LRBA: variants seen among roughly 807,000 people sequenced by gnomAD.
LRBA encodes the protein lipopolysaccharide-responsive and beige-like anchor protein.
A neutral mutation model predicts 330.0 loss-of-function variants in LRBA; 176 were observed. The observed-to-expected ratio is 0.53, with a 90% CI of 0.47 to 0.60. LRBA has a LOEUF of 0.60. Among genes scored for constraint, LRBA ranks in the 20% least tolerant of loss-of-function variants. The probability of loss-of-function intolerance (pLI) is 0.00; values close to 1 mark genes in which losing one functional copy is unlikely to be tolerated. For synonymous variants in LRBA, 1,230 were observed against 1,193.0 expected (o/e 1.03, Z -0.64); for missense variants, 3,259 against 3,444.8 (o/e 0.95, Z 1.35).
intron 47 of LRBA, among the ~76,000 whole-genome samples, chr4:150,412,026 CTT>C (rs1300835052): frequency 2.6e-5 from 4 of 152,110 alleles, no homozygotes; most frequent in African/African-American, 7.2e-5. Flanking sequence ...TGTAAGGAAA[CTT>C]TGTTCATCAG....
At chr4:150,381,451 A>G (rs1742249748) in intron 47 of LRBA, among the ~76,000 whole-genome samples, 1 of 152,198 alleles carries the variant, frequency 6.6e-6, no homozygotes, top group South Asian at 2.1e-4. Context: ...GAATCATACA[A>G]TATGTGGCTT....
At chr4:150,473,488 C>T (rs1208447963) in intron 42 of LRBA, among the ~76,000 whole-genome samples, 1 of 152,162 alleles carries the variant, frequency 6.6e-6, no homozygotes, top group Non-Finnish European at 1.5e-5. Context: ...GCGGACTGCT[C>T]TCTCCAGTAT....
chr4:150,572,625 A>C (rs1296933911), intron 40 of LRBA, among the ~76,000 whole-genome samples: 4 of 152,108 alleles, frequency 2.6e-5, no homozygotes, highest in Non-Finnish European at 5.9e-5. Context: ...GTTACAATAT[A>C]ATTACTGACT....
intron 42 of LRBA, among the ~76,000 whole-genome samples, chr4:150,478,952 T>C (rs908029437): frequency 2.0e-5 from 3 of 152,138 alleles, no homozygotes; most frequent in South Asian, 2.1e-4. Flanking sequence ...GCTTGACACA[T>C]TGTAAGTGAA....
At chr4:150,865,732 T>A (rs1752597608) in intron 22 of LRBA, among the ~76,000 whole-genome samples, 1 of 151,690 alleles carries the variant, frequency 6.6e-6, no homozygotes, top group Admixed American at 6.6e-5. Flanking sequence ...TTTTTTTTTT[T>A]TTTAGATGGA....
intron 47 of LRBA, among the ~76,000 whole-genome samples, chr4:150,408,468 G>A (rs1370489416): frequency 6.6e-6 from 1 of 152,164 alleles, no homozygotes; most frequent in East Asian, 1.9e-4. Flanking sequence ...ATTTAAAGAA[G>A]AAATAATATG....
chr4:150,712,695 C>T lies in LRBA; in HGVS notation c.5754+22563G>A, dbSNP rs117965912. On this transcript the variant is annotated intron_variant, in intron 36 of 56. Transcript: ENST00000651943. ...TATTTACTGCCAAAAAATTACGCTA[C>T]GATTACAATTCTACTGGACAAGACA... Among the ~76,000 whole-genome samples the T allele has an allele frequency of 2.4e-3, 369 of 152,158 alleles. 16 individuals are homozygous for T. The East Asian group carries it at 0.048, about 20-fold the overall frequency.
At chr4:150,515,692 C>T (rs1762264249) in intron 40 of LRBA, among the ~76,000 whole-genome samples, 1 of 151,908 alleles carries the variant, frequency 6.6e-6, no homozygotes, top group Admixed American at 6.6e-5. Flanking sequence ...TTGAAATATC[C>T]AAAGTACTCC....
At chr4:150,649,883 C>T (rs978538620) in intron 37 of LRBA, among the ~76,000 whole-genome samples, 8 of 151,776 alleles carry the variant, frequency 5.3e-5, no homozygotes, top group South Asian at 4.2e-4. Flanking sequence ...TACAAATATG[C>T]GGGTGTGTTT....
In LRBA at chr4:150,741,235, A is replaced by G. The variant is rs145641670; in HGVS notation, c.5646-5869T>C. Among the ~76,000 whole-genome samples, 25 of 152,258 alleles carry G rather than the reference A, an allele frequency of 1.6e-4. No homozygotes were observed. The East Asian group carries it at 4.6e-3, about 28-fold the overall frequency. ...CTAAGAGAATTAAAAGCCAAACTTCAGAGAGAGAGAATATACTTGGAAAAA... is the reference window on the plus strand; with the variant it reads ...CTAAGAGAATTAAAAGCCAAACTTCGGAGAGAGAGAATATACTTGGAAAAA... On this transcript the variant is annotated intron_variant, in intron 35 of 56. Transcript: ENST00000651943.
At chr4:150,752,476 T>C (rs1733691169) in intron 35 of LRBA, among the ~76,000 whole-genome samples, 1 of 151,980 alleles carries the variant, frequency 6.6e-6, no homozygotes, top group Non-Finnish European at 1.5e-5. Context: ...AAAAAATTAA[T>C]TTAAATTAAA....
At chr4:150,634,041 G>A (rs1027644379) in intron 37 of LRBA, among the ~76,000 whole-genome samples, 2 of 152,126 alleles carry the variant, frequency 1.3e-5, no homozygotes, top group Admixed American at 6.5e-5. Context: ...CCTGAAACCA[G>A]GAGGCAGAGG....
At position 150,852,352 on chromosome 4, in the gene LRBA, T is replaced by A. The variant is rs761029271; in HGVS notation, c.3358A>T (p.Thr1120Ser). ...TCTGTGGGTAGATTAGCTTCCTCAG[T>A]AGGACTGCCTTCTACTTTCAGTTCC... ...YVELKVEGSP[T>S]EEANLPTELQ... Residue 1120 changes from threonine (T) to serine (S), a missense_variant, in exon 23 of 57, where the codon ACT (threonine) becomes TCT (serine). By Grantham distance (58) the Thr-to-Ser change is moderately conservative. Transcript: ENST00000651943. 6.2e-7 allele frequency: 1 copy of A among 1,613,924 alleles called. No homozygotes were observed. The highest frequency in any genetic ancestry group is 8.5e-7 in the Non-Finnish European group (1 of 1,179,986).
chr4:150,313,413 C>A (rs1731313430), intron 51 of LRBA, among the ~76,000 whole-genome samples: 1 of 152,058 alleles, frequency 6.6e-6, no homozygotes, highest in Non-Finnish European at 1.5e-5. Context: ...ATAACCTTTG[C>A]AACTATTTGA....
intron 37 of LRBA, among the ~76,000 whole-genome samples, chr4:150,667,236 T>C (rs767748056): frequency 8.5e-5 from 13 of 152,168 alleles, no homozygotes; most frequent in African/African-American, 1.4e-4. Flanking sequence ...TACAGGGACT[T>C]TGTGGATGTG....
intron 16 of LRBA, among the ~76,000 whole-genome samples, chr4:150,893,629 T>C (rs892235666): frequency 6.6e-6 from 1 of 152,052 alleles, no homozygotes; most frequent in African/African-American, 2.4e-5. Flanking sequence ...GGATTACAAG[T>C]TGAGCCACCG....
At chr4:150,881,538 A>G (rs1387492957) in intron 17 of LRBA, among the ~76,000 whole-genome samples, 1 of 152,108 alleles carries the variant, frequency 6.6e-6, no homozygotes, top group Non-Finnish European at 1.5e-5. Context: ...GAAGGGGGAA[A>G]AGGTTGAAAA....
At chr4:150,766,900 T>A (rs758799699) in intron 34 of LRBA, among the ~76,000 whole-genome samples, 2 of 152,200 alleles carry the variant, frequency 1.3e-5, no homozygotes, top group African/African-American at 2.4e-5. Flanking sequence ...GTTCCTAAGC[T>A]GTATTTAATT....
chr4:150,853,201 A>G (rs1198055531), intron 22 of LRBA, among the ~76,000 whole-genome samples: 1 of 152,194 alleles, frequency 6.6e-6, no homozygotes, highest in Non-Finnish European at 1.5e-5. Flanking sequence ...TTAGCCTATT[A>G]TTAAACATGT....
Sources: gnomAD v4.1 joint callset for allele counts (sites outside exome capture counted in the v4.1 genomes callset) on GRCh38, gnomAD v4.1.1 for gene constraint, MANE v1.5 for transcripts, NCBI Gene and HGNC (gene_info 2026-07-23, HGNC 2026-07-21) for gene names.